The following SUGCT variants were observed in gnomAD, a reference collection of about 807,000 sequenced individuals.
The protein encoded by SUGCT is succinyl-CoA:glutarate CoA-transferase.
A neutral mutation model predicts 55.0 loss-of-function variants in SUGCT; 41 were observed. That is an observed-to-expected ratio of 0.74 (90% CI 0.58 to 0.97). The LOEUF (loss-of-function observed/expected upper bound fraction) is 0.97. Among genes scored for constraint, SUGCT ranks in the 50% least tolerant of loss-of-function variants. The pLI, the probability that SUGCT is intolerant of heterozygous loss-of-function variation, is 0.00. For synonymous variants in SUGCT, 187 were observed against 200.4 expected, an observed-to-expected ratio of 0.93 and a Z score of 0.56; for missense variants, 568 against 547.8, an observed-to-expected ratio of 1.04 and a Z score of -0.37.
chr7:40,991,833 C>G, the SUGCT span, among the ~76,000 whole-genome samples: 83 of 152,200 alleles, frequency 5.5e-4, no homozygotes, highest in Non-Finnish European at 1.8e-4. Context: ...ATCAGAAGAG[C>G]CTTTCCCTCT....
intron 12 of SUGCT, among the ~76,000 whole-genome samples, chr7:40,686,308 T>G (rs1466005436): frequency 6.6e-6 from 1 of 152,210 alleles, no homozygotes; most frequent in Non-Finnish European, 1.5e-5. Context: ...TACTTGACCT[T>G]TATGTACTTT....
chr7:40,467,809 G>C (rs17171717), intron 11 of SUGCT, among the ~76,000 whole-genome samples: 9,339 of 151,998 alleles, frequency 0.061, 944 homozygotes, highest in African/African-American at 0.21. Context: ...TCTACCAAAA[G>C]CAAAGCATGA....
intron 12 of SUGCT, among the ~76,000 whole-genome samples, chr7:40,717,873 T>A (rs1217484641): frequency 6.6e-6 from 1 of 152,136 alleles, no homozygotes; most frequent in Non-Finnish European, 1.5e-5. Context: ...GGAACTAAAT[T>A]TATATTAGAG....
chr7:40,301,151 G>T (rs978727591), intron 8 of SUGCT, among the ~76,000 whole-genome samples: 5 of 152,038 alleles, frequency 3.3e-5, no homozygotes, highest in African/African-American at 1.2e-4. Flanking sequence ...TGTTTAGTGT[G>T]TGTCTTTTAC....
intron 12 of SUGCT, among the ~76,000 whole-genome samples, chr7:40,567,348 T>A (rs930559293): frequency 2.6e-5 from 4 of 152,318 alleles, no homozygotes; most frequent in Admixed American, 2.6e-4. Context: ...GGAAATGCAT[T>A]CGAATGGCAA....
At chr7:40,332,078 G>A (rs947762053) in intron 9 of SUGCT, among the ~76,000 whole-genome samples, 1 of 152,110 alleles carries the variant, frequency 6.6e-6, no homozygotes, top group African/African-American at 2.4e-5. Flanking sequence ...TATTGGTTTG[G>A]AATGACCATT....
the SUGCT span, among the ~76,000 whole-genome samples, chr7:40,963,226 G>T: frequency 2.0e-5 from 3 of 151,824 alleles, no homozygotes; most frequent in African/African-American, 7.3e-5. Context: ...GATACTTTTG[G>T]TGAATGTAAA....
rs191566919 is a variant in SUGCT, at chr7:40,804,920, G to A, written c.1154-55396G>A. 7.2e-5 allele frequency among the ~76,000 whole-genome samples: 11 copies of A among 152,292 alleles called. No homozygotes were observed. The East Asian group carries it at 1.9e-3, about 27-fold the overall frequency. Reference sequence around the variant, plus strand: ...TAAGAAAACATTTGGGGGAGGGAAAGGCAGAATATGGGAACGTGCAAAACC... The same window carrying A: ...TAAGAAAACATTTGGGGGAGGGAAAAGCAGAATATGGGAACGTGCAAAACC... On this transcript the variant is annotated intron_variant, in intron 13 of 13. Transcript: ENST00000335693.
chr7:40,294,074 A>G (rs1308690320), intron 8 of SUGCT, among the ~76,000 whole-genome samples: 2 of 151,908 alleles, frequency 1.3e-5, no homozygotes, highest in Non-Finnish European at 2.9e-5. Flanking sequence ...CAGCCTCCCT[A>G]GTAGCTGGGA....
At chr7:40,953,587 C>A in the SUGCT span, among the ~76,000 whole-genome samples, 3 of 152,216 alleles carry the variant, frequency 2.0e-5, no homozygotes, top group Non-Finnish European at 4.4e-5. Flanking sequence ...GTGGTTTTAT[C>A]TACCTTTGGT....
At chr7:40,314,418 G>A (rs1253292946) in intron 8 of SUGCT, among the ~76,000 whole-genome samples, 5 of 151,934 alleles carry the variant, frequency 3.3e-5, no homozygotes, top group African/African-American at 9.7e-5. Context: ...AGTGACATTC[G>A]CCATGATTTA....
At chr7:40,671,080 C>T (rs1412472999) in intron 12 of SUGCT, among the ~76,000 whole-genome samples, 3 of 152,132 alleles carry the variant, frequency 2.0e-5, no homozygotes, top group Non-Finnish European at 4.4e-5. Flanking sequence ...GTGCAAGTTA[C>T]AATGCTTGAA....
At chr7:40,937,668 A>AT in the SUGCT span, among the ~76,000 whole-genome samples, 11 of 151,634 alleles carry the variant, frequency 7.3e-5, no homozygotes, top group Non-Finnish European at 1.0e-4. Flanking sequence ...TCTAGCAACA[A>AT]TTTTTTTTGT....
chr7:40,746,996 T>C (rs1158270139), intron 12 of SUGCT, among the ~76,000 whole-genome samples: 1 of 152,156 alleles, frequency 6.6e-6, no homozygotes. Context: ...CTGTCCTCAG[T>C]AGAACTGAGA....
intron 9 of SUGCT, among the ~76,000 whole-genome samples, chr7:40,345,648 G>C (rs1797270326): frequency 6.6e-6 from 1 of 151,818 alleles, no homozygotes; most frequent in African/African-American, 2.4e-5. Context: ...TTTTTGTAAG[G>C]TTGTGTTTTT....
chr7:40,339,175 G>C (rs1796901843), intron 9 of SUGCT, among the ~76,000 whole-genome samples: 3 of 152,350 alleles, frequency 2.0e-5, no homozygotes, highest in South Asian at 2.1e-4. Context: ...GTACCTCCCA[G>C]TTAGGCTACT....
chr7:40,428,498 GCT>G (rs915651362), intron 9 of SUGCT, among the ~76,000 whole-genome samples: 1 of 145,464 alleles, frequency 6.9e-6, no homozygotes, highest in African/African-American at 2.5e-5. Flanking sequence ...TTTTGTAGTT[GCT>G]CTCTCTCTTT....
chr7:40,714,044 A>G (rs1450219768), intron 12 of SUGCT, among the ~76,000 whole-genome samples: 1 of 152,160 alleles, frequency 6.6e-6, no homozygotes, highest in Non-Finnish European at 1.5e-5. Context: ...TGAAAACAAA[A>G]CAAGGCCGGG....
chr7:40,291,127 C>T (rs1793720863), intron 8 of SUGCT, among the ~76,000 whole-genome samples: 1 of 152,056 alleles, frequency 6.6e-6, no homozygotes, highest in Admixed American at 6.6e-5. Flanking sequence ...ACTAGAAATA[C>T]CATTTGACTC....
Sources: allele counts gnomAD v4.1 joint callset (sites outside exome capture counted in the v4.1 genomes callset), GRCh38; gene constraint gnomAD v4.1.1; transcripts MANE v1.5; gene names NCBI Gene and HGNC (gene_info 2026-07-23, HGNC 2026-07-21).